PLA2G4C: variants seen among roughly 807,000 people sequenced by gnomAD.
The protein encoded by PLA2G4C is phospholipase A2 group IVC.
Under a neutral mutation model 73.8 loss-of-function variants are expected in PLA2G4C, and 64 were observed. The observed-to-expected ratio is 0.87, with a 90% CI of 0.71 to 1.07. The LOEUF (loss-of-function observed/expected upper bound fraction) is 1.07, where lower values mean the gene tolerates loss of function less well. PLA2G4C is among the 50% of genes least tolerant of loss of function. PLA2G4C has a pLI of 0.00. For missense variants in PLA2G4C, 622 were observed against 665.4 expected (o/e 0.93, Z 0.72); for synonymous variants, 254 against 252.1 (o/e 1.01, Z -0.07).
intron 8 of PLA2G4C, 73 bp downstream of exon 8, chr19:48,090,291 T>C: frequency 1.9e-6 from 2 of 1,048,700 alleles, no homozygotes; most frequent in Non-Finnish European, 3.0e-6. Context: ...CTGCCATGAG[T>C]AGGAAAAGTA....
chr19:48,085,185 A>G (rs2030903782), intron 9 of PLA2G4C, 73 bp from the exon 10 acceptor site: 2 of 1,040,492 alleles, frequency 1.9e-6, no homozygotes, highest in East Asian at 4.7e-5. Flanking sequence ...TCAAAGCACC[A>G]GCAGACTGGC....
chr19:48,076,219 C>T (rs1429105329), intron 11 of PLA2G4C, among the ~76,000 whole-genome samples: 1 of 152,186 alleles, frequency 6.6e-6, no homozygotes, highest in African/African-American at 2.4e-5. Flanking sequence ...GACTGTTGAC[C>T]TGTGAAAAAG....
intron 10 of PLA2G4C, among the ~76,000 whole-genome samples, chr19:48,083,811 G>A (rs947248596): frequency 1.3e-5 from 2 of 151,638 alleles, no homozygotes; most frequent in Admixed American, 6.6e-5. Context: ...GGTCACTAAC[G>A]CATGAGAGGT....
At chr19:48,068,075 A>G in intron 12 of PLA2G4C, 189 bp from the exon 13 acceptor site, 2 of 570,740 alleles carry the variant, frequency 3.5e-6, no homozygotes, top group South Asian at 2.0e-5. Context: ...AGGCCGAGGC[A>G]GAAGGATCAC....
Position 48,105,362 on chromosome 19 carries a change from G to A in PLA2G4C, c.91C>T (p.Leu31=), listed in dbSNP as rs1409983076. 3 of 1,613,464 alleles carry A rather than the reference G, an allele frequency of 1.9e-6. No homozygotes were observed. Among genetic ancestry groups the A allele is most frequent in the Non-Finnish European group, 2.5e-6 (3 of 1,179,744 alleles). The change falls in exon 3 of 17, where the codon CTG becomes TTG. Residue 31 remains leucine, a synonymous_variant. Transcript: ENST00000599921. ...ERRRLHVLKA[L]KKLRIEADEA... is the part of the protein sequence containing the mutation. ...TCAGCCTCAATCCTTAGCTTCTTCA[G>A]AGCTTTCAGCACATGAAGTCTTCGT...
intron 13 of PLA2G4C, among the ~76,000 whole-genome samples, chr19:48,063,109 A>G (rs1968256373): frequency 6.6e-6 from 1 of 152,014 alleles, no homozygotes; most frequent in African/African-American, 2.4e-5. Context: ...CAGTGGCGCA[A>G]TCTCCACTCA....
chr19:48,108,153 G>A (rs529487064), intron 1 of PLA2G4C, among the ~76,000 whole-genome samples: 15 of 152,122 alleles, frequency 9.9e-5, no homozygotes, highest in Non-Finnish European at 2.1e-4. Context: ...CGCACATGGG[G>A]AGAAAGACCC....
At chr19:48,108,353 C>G (rs1200279980) in intron 1 of PLA2G4C, among the ~76,000 whole-genome samples, 2 of 152,150 alleles carry the variant, frequency 1.3e-5, no homozygotes, top group South Asian at 2.1e-4. Flanking sequence ...CCAGGCTGGT[C>G]TCATTCTCCC....
At position 48,048,095 on chromosome 19, in the gene PLA2G4C, T is replaced by C; in HGVS notation, c.*248A>G. The stretch of plus-strand genomic sequence containing the variant: ...GATTGTCAGACACTCATGCTCCAGC[T>C]CCAGGATCTCCCGAGGGACCTGCAG... On this transcript the variant is annotated 3_prime_UTR_variant, in exon 17 of 17. Transcript: ENST00000599921. 1.9e-6 allele frequency: 1 copy of C among 513,444 alleles called. No homozygotes were observed. The highest frequency in any genetic ancestry group is 2.8e-5 in the South Asian group (1 of 36,312). 31.8% of individuals were successfully genotyped at this position (513,444 alleles called of 1,614,324 possible). A position where few individuals can be genotyped will look rare whatever the true frequency, so the allele number is the denominator to read the frequency against.
At chr19:48,095,364 A>C in intron 7 of PLA2G4C, 100 bp downstream of exon 7, 2 of 1,128,346 alleles carry the variant, frequency 1.8e-6, no homozygotes, top group Non-Finnish European at 2.6e-6. Context: ...CTTTCCCCCA[A>C]GAAATTTAAG....
chr19:48,084,527 C>T (rs1360289941), intron 10 of PLA2G4C, among the ~76,000 whole-genome samples: 1 of 152,116 alleles, frequency 6.6e-6, no homozygotes, highest in Non-Finnish European at 1.5e-5. Context: ...TGTAGCCAGG[C>T]CTGGAAGTAG....
chr19:48,098,830 AG>A (rs1346676130), intron 5 of PLA2G4C, among the ~76,000 whole-genome samples: 1 of 143,522 alleles, frequency 7.0e-6, no homozygotes, highest in Non-Finnish European at 1.5e-5. Flanking sequence ...TGAGCCCAGG[AG>A]GTCAAGGCTG....
chr19:48,087,919 A>G lies in PLA2G4C; in HGVS notation c.790+767T>C, dbSNP rs576526904. 1.1e-3 allele frequency among the ~76,000 whole-genome samples: 162 copies of G among 149,230 alleles called. 2 individuals carry two copies. The highest frequency in any genetic ancestry group is 3.8e-3 in the African/African-American group (151 of 40,092). Reference sequence around the variant, plus strand: ...CCATTGTATTCCAGCCTGGGCAACAAGAGCCAAACTCTGTCTCAAAAAAAA... The same window carrying G: ...CCATTGTATTCCAGCCTGGGCAACAGGAGCCAAACTCTGTCTCAAAAAAAA... On this transcript the variant is annotated intron_variant, in intron 9 of 16. Coordinates refer to ENST00000599921, the MANE Select transcript of PLA2G4C (RefSeq NM_003706.3).
intron 6 of PLA2G4C, among the ~76,000 whole-genome samples, chr19:48,096,275 A>G (rs1209647879): frequency 6.6e-6 from 1 of 152,132 alleles, no homozygotes. Flanking sequence ...AAGGATCCAC[A>G]CCGAGGAGAG....
At chr19:48,049,059 C>T (rs1212214783) in intron 16 of PLA2G4C, among the ~76,000 whole-genome samples, 1 of 152,134 alleles carries the variant, frequency 6.6e-6, no homozygotes, top group African/African-American at 2.4e-5. Flanking sequence ...CTTCCCCTTC[C>T]ACCAGGATTG....
intron 14 of PLA2G4C, among the ~76,000 whole-genome samples, chr19:48,058,988 AT>A (rs2122462847): frequency 6.6e-6 from 1 of 152,044 alleles, no homozygotes; most frequent in East Asian, 1.9e-4. Flanking sequence ...ATTTCTGTTT[AT>A]TGGCCGGGCG....
rs1600147518 is a variant in PLA2G4C, at chr19:48,054,839, A to G, written c.1429+39T>C. On this transcript the variant is annotated intron_variant, in intron 15 of 16. Transcript: ENST00000599921. The stretch of plus-strand genomic sequence containing the variant: ...TTATTAGCAGTGTGAGCATGGACTA[A>G]TACAGGTGGCTTCTCACCTGCTCCT... 7 of 1,585,008 alleles carry G rather than the reference A, an allele frequency of 4.4e-6. No individual in the cohort carries two copies. The East Asian group carries it at 1.6e-4, about 35-fold the overall frequency.
intron 16 of PLA2G4C, chr19:48,051,781 T>G (rs1313911225): frequency 6.6e-6 from 1 of 151,606 alleles, no homozygotes; most frequent in African/African-American, 2.4e-5. Flanking sequence ...AAGTTACCTG[T>G]GGAGATATCT....
chr19:48,054,289 C>T (rs890557471), intron 15 of PLA2G4C, among the ~76,000 whole-genome samples: 2 of 152,020 alleles, frequency 1.3e-5, no homozygotes, highest in South Asian at 2.1e-4. Context: ...TGAGTTCTCA[C>T]GAGACCTGAT....
Sources: allele counts gnomAD v4.1 joint callset (sites outside exome capture counted in the v4.1 genomes callset), GRCh38; gene constraint gnomAD v4.1.1; transcripts MANE v1.5; gene names NCBI Gene and HGNC (gene_info 2026-07-23, HGNC 2026-07-21).